Variants in TBC1D12 observed in about 807,000 individuals in gnomAD.
The protein encoded by TBC1D12 is TBC1 domain family, member 12.
TBC1D12 carries 56 observed loss-of-function variants against 86.7 expected under a neutral mutation model. The observed-to-expected ratio is 0.65, with a 90% confidence interval of 0.52 to 0.81. The LOEUF is 0.81. TBC1D12 is among the 30% of genes least tolerant of loss of function. TBC1D12 has a pLI of 0.00. For synonymous variants in TBC1D12, 421 were observed against 411.7 expected, an observed-to-expected ratio of 1.02 and a Z score of -0.27; for missense variants, 1,023 against 1,038.8, an observed-to-expected ratio of 0.98 and a Z score of 0.21.
At chr10:94,428,931 C>A (rs1321098380) in intron 1 of TBC1D12, among the ~76,000 whole-genome samples, 2 of 152,046 alleles carry the variant, frequency 1.3e-5, no homozygotes, top group East Asian at 3.9e-4. Flanking sequence ...TCTTGAACTC[C>A]TAGATGCAAG....
At chr10:94,422,354 C>A (rs777187482) in intron 1 of TBC1D12, among the ~76,000 whole-genome samples, 1 of 150,604 alleles carries the variant, frequency 6.6e-6, no homozygotes, top group Non-Finnish European at 1.5e-5. Context: ...CACACCCAGC[C>A]AATTTTTGTA....
At chr10:94,438,765 A>G (rs115412100) in intron 1 of TBC1D12, among the ~76,000 whole-genome samples, 3 of 151,912 alleles carry the variant, frequency 2.0e-5, no homozygotes, top group Admixed American at 2.0e-4. Flanking sequence ...CTAGAGTTCT[A>G]CTAAAGTACT....
intron 1 of TBC1D12, among the ~76,000 whole-genome samples, chr10:94,410,591 G>A (rs778384936): frequency 1.6e-4 from 24 of 151,950 alleles, no homozygotes; most frequent in Admixed American, 4.6e-4. Flanking sequence ...ACCTAGGAAG[G>A]GTAGGGTTTA....
intron 9 of TBC1D12, among the ~76,000 whole-genome samples, chr10:94,520,310 T>C (rs1026268340): frequency 3.3e-5 from 5 of 151,868 alleles, no homozygotes; most frequent in African/African-American, 1.2e-4. Flanking sequence ...CCCAGCACTT[T>C]GGGAGGCCGA....
chr10:94,477,501 A>C (rs2056009062), intron 3 of TBC1D12, among the ~76,000 whole-genome samples: 1 of 152,212 alleles, frequency 6.6e-6, no homozygotes, highest in Non-Finnish European at 1.5e-5. Context: ...GTACATGGGA[A>C]TACCTGGGTA....
At position 94,403,090 on chromosome 10, in the gene TBC1D12, C is replaced by A; in HGVS notation, c.477C>A (p.Gly159=). The change falls in exon 1 of 13, where the codon GGC becomes GGA. Residue 159 remains glycine (G), a synonymous_variant. Coordinates refer to ENST00000225235, the MANE Select transcript of TBC1D12 (RefSeq NM_015188.2). ...AGGCTCGCGGGCTGGCGCGCGCCGG[C>A]GGCCGGGAGTCGCGCCGCCGCCGCC... is the stretch of plus-strand genomic sequence containing the variant. ...LEEARGLARA[G]GRESRRRRPY... 2 of 1,422,844 alleles carry A rather than the reference C, an allele frequency of 1.4e-6. No individual in the cohort carries two copies. The highest frequency in any genetic ancestry group is 1.5e-5 in the South Asian group (1 of 64,686). 88.1% of individuals were successfully genotyped at this position (1,422,844 alleles called of 1,614,324 possible).
intron 1 of TBC1D12, among the ~76,000 whole-genome samples, chr10:94,415,234 A>C (rs754431726): frequency 1.1e-4 from 16 of 152,224 alleles, no homozygotes; most frequent in Non-Finnish European, 1.8e-4. Flanking sequence ...CTGAATAAGT[A>C]GTTTCTGTAT....
Position 94,402,907 on chromosome 10 carries a change from G to A in TBC1D12, c.294G>A (p.Pro98=). The A allele has an allele frequency of 4.0e-6, 6 of 1,493,930 alleles. No individual in the cohort carries two copies. The highest frequency in any genetic ancestry group is 1.5e-5 in the African/African-American group (1 of 68,236). 92.5% of individuals were successfully genotyped at this position (1,493,930 alleles called of 1,614,324 possible). A position where few individuals can be genotyped will look rare whatever the true frequency, so the allele number is the denominator to read the frequency against. ...TCCCCGCTGGCCAGGCCGGCGCCCC[G>A]CCGCCCTCGGCAGCCCCACGATCGG... is the stretch of plus-strand genomic sequence containing the variant. ...CPLPAGQAGA[P]PPSAAPRSDA... is the part of the protein sequence containing the mutation. The change falls in exon 1 of 13, where the codon CCG becomes CCA. Residue 98 remains proline, a synonymous_variant. Transcript: ENST00000225235.
At position 94,431,566 on chromosome 10, in the gene TBC1D12, G is replaced by T. The variant is rs17110015; in HGVS notation, c.972-10330G>T. 6.7e-3 allele frequency among the ~76,000 whole-genome samples: 1,015 copies of T among 152,294 alleles called. 16 individuals carry two copies. The highest frequency in any genetic ancestry group is 0.023 in the African/African-American group (971 of 41,568). ...GTAACACCTTTAGCAACCCATTCAA[G>T]TTTGGGCTCAATAGAGAAAAGATAG... On this transcript the variant is annotated intron_variant, in intron 1 of 12. Coordinates refer to ENST00000225235, the MANE Select transcript of TBC1D12 (RefSeq NM_015188.2).
At chr10:94,449,121 G>T (rs533517401) in intron 2 of TBC1D12, among the ~76,000 whole-genome samples, 1 of 151,396 alleles carries the variant, frequency 6.6e-6, no homozygotes, top group South Asian at 2.1e-4. Flanking sequence ...TTGAGGGGAC[G>T]TTTTTTCATT....
At chr10:94,511,542 A>G (rs1291264428) in intron 8 of TBC1D12, 41 bp from the exon 9 acceptor site, 1 of 1,282,338 alleles carries the variant, frequency 7.8e-7, no homozygotes, top group East Asian at 2.3e-5. Context: ...ACTTAGAGAA[A>G]ATTATTTGTA....
chr10:94,429,887 C>T lies in TBC1D12; in HGVS notation c.972-12009C>T, dbSNP rs2055192558. ...TAGCTGGGGCTTCAGGTGCGTGCCA[C>T]CACGCCTGCCTAATTTTTGCATTTT... On this transcript the variant is annotated intron_variant, in intron 1 of 12. Transcript: ENST00000225235. 1.3e-5 allele frequency among the ~76,000 whole-genome samples: 2 copies of T among 152,094 alleles called. 1 individual carries two copies. Among genetic ancestry groups the T allele is most frequent in the South Asian group, 4.1e-4 (2 of 4,828 alleles).
chr10:94,519,317 GAACA>G (rs989207480), intron 9 of TBC1D12, among the ~76,000 whole-genome samples: 2 of 152,110 alleles, frequency 1.3e-5, no homozygotes, highest in African/African-American at 4.8e-5. Flanking sequence ...ATACAACTAT[GAACA>G]AACAAACATG....
At chr10:94,404,444 G>C (rs968534238) in intron 1 of TBC1D12, among the ~76,000 whole-genome samples, 1 of 151,868 alleles carries the variant, frequency 6.6e-6, no homozygotes, top group Non-Finnish European at 1.5e-5. Context: ...TCAGGGGTTC[G>C]AGACCAGCCT....
chr10:94,512,795 ACT>A (rs529844703), intron 9 of TBC1D12, among the ~76,000 whole-genome samples: 176 of 152,206 alleles, frequency 1.2e-3, no homozygotes, highest in Admixed American at 3.3e-3. Flanking sequence ...GAGTCTTTAA[ACT>A]CTCTTACTCA....
rs1227865357 is a variant in TBC1D12 at position 94,535,871 on chromosome 10, G to T, written c.*2775G>T. On this transcript the variant is annotated 3_prime_UTR_variant, in exon 13 of 13. Coordinates refer to ENST00000225235, the MANE Select transcript of TBC1D12 (RefSeq NM_015188.2). ...TGTGTATATAAAATGTAAATACAAA[G>T]AATTCACTAAAAACCACTCATAACA... 3.3e-5 allele frequency: 5 copies of T among 152,016 alleles called. No homozygotes were observed. Among genetic ancestry groups the T allele is most frequent in the Non-Finnish European group, 7.4e-5 (5 of 67,966 alleles). The allele number at this position is 152,016 out of a possible 1,614,324, so 9.4% of individuals were successfully genotyped here.
chr10:94,471,899 A>G (rs544448508), intron 2 of TBC1D12, among the ~76,000 whole-genome samples: 2 of 152,326 alleles, frequency 1.3e-5, no homozygotes, highest in South Asian at 2.1e-4. Flanking sequence ...GGAGAACACA[A>G]TTCTATAGGC....
chr10:94,491,034 T>C (rs2056238820), intron 3 of TBC1D12, among the ~76,000 whole-genome samples: 1 of 152,172 alleles, frequency 6.6e-6, no homozygotes, highest in Non-Finnish European at 1.5e-5. Flanking sequence ...TCTCCTCACC[T>C]TAGGATTGAT....
chr10:94,465,696 G>GTA (rs2055799365), intron 2 of TBC1D12, among the ~76,000 whole-genome samples: 2 of 122,618 alleles, frequency 1.6e-5, no homozygotes, highest in Non-Finnish European at 1.8e-5. Flanking sequence ...GTGTGTGTGT[G>GTA]TACATATATA....
Sources: allele counts gnomAD v4.1 joint callset (sites outside exome capture counted in the v4.1 genomes callset), GRCh38; gene constraint gnomAD v4.1.1; transcripts MANE v1.5; gene names NCBI Gene and HGNC (gene_info 2026-07-23, HGNC 2026-07-21).